PCM1: variants seen among roughly 807,000 people sequenced by gnomAD.
The protein encoded by PCM1 is pericentriolar material 1.
Under a neutral mutation model 241.9 loss-of-function variants are expected in PCM1, and 157 were observed. That is an observed-to-expected ratio of 0.65 (90% CI 0.57 to 0.74). The LOEUF is 0.74. Ranked by LOEUF, PCM1 falls within the 30% of genes least tolerant of loss-of-function variation. The pLI, the probability that PCM1 is intolerant of heterozygous loss-of-function variation, is 0.00. For missense variants in PCM1, 3,478 were observed against 2,360.1 expected (o/e 1.47, Z -9.81); for synonymous variants, 1,085 against 784.9 (o/e 1.38, Z -6.39).
At chr8:17,948,427 C>T (rs1027504563) in intron 7 of PCM1, among the ~76,000 whole-genome samples, 2 of 150,314 alleles carry the variant, frequency 1.3e-5, no homozygotes, top group African/African-American at 4.9e-5. Context: ...GCCTCAGCCT[C>T]CTGAGTAGCT....
intron 23 of PCM1, 108 bp from the exon 24 acceptor site, chr8:17,980,483 C>G (rs557026036): frequency 2.5e-6 from 2 of 803,934 alleles, no homozygotes; most frequent in African/African-American, 3.5e-5. Flanking sequence ...ACCAGGCCTT[C>G]CTAGCATTGT....
At chr8:18,006,537 G>T (rs2091370612) in intron 30 of PCM1, 140 bp downstream of exon 30, 2 of 590,906 alleles carry the variant, frequency 3.4e-6, no homozygotes, top group Non-Finnish European at 6.1e-6. Context: ...GGATGATGTT[G>T]TAATACTTTT....
intron 7 of PCM1, 101 bp from the exon 8 acceptor site, chr8:17,950,514 A>C: frequency 3.0e-6 from 2 of 659,372 alleles, no homozygotes; most frequent in Non-Finnish European, 5.2e-6. Context: ...TACGTATGTG[A>C]GCTTTTTAAA....
At chr8:18,003,503 CA>C (rs1564313164) in intron 29 of PCM1, among the ~76,000 whole-genome samples, 1 of 152,292 alleles carries the variant, frequency 6.6e-6, no homozygotes, top group East Asian at 1.9e-4. Flanking sequence ...GGAGCCAGCC[CA>C]AATGTTATTG....
At chr8:17,988,185 T>A (rs753631199) in intron 26 of PCM1, among the ~76,000 whole-genome samples, 34 of 145,526 alleles carry the variant, frequency 2.3e-4, no homozygotes, top group Non-Finnish European at 4.9e-4. Flanking sequence ...TTGAAGCACA[T>A]CAAGTCTTAC....
chr8:18,014,718 C>A lies in PCM1; in HGVS notation c.5719C>A (p.Arg1907Ser), dbSNP rs373892158. 4.3e-6 allele frequency: 7 copies of A among 1,613,156 alleles called. No individual in the cohort carries two copies. Among genetic ancestry groups the A allele is most frequent in the East Asian group, 4.5e-5 (2 of 44,472 alleles). Residue 1907 changes from arginine to serine, a missense_variant, in exon 36 of 39, where the codon CGT becomes AGT. Physicochemically the swap from Arg to Ser is moderately radical, Grantham distance 110 (BLOSUM62 -1). Transcript: ENST00000325083. ...TCAACAGCCTAACCCTTTGCCGTTACGTTTACCTGAAATGGAACCCTTAGT... is the reference window on the plus strand; with the variant it reads ...TCAACAGCCTAACCCTTTGCCGTTAAGTTTACCTGAAATGGAACCCTTAGT... ...STQQPNPLPL[R>S]LPEMEPLVPR...
At chr8:18,004,524 TAATA>T (rs1400788120) in intron 29 of PCM1, among the ~76,000 whole-genome samples, 1 of 147,104 alleles carries the variant, frequency 6.8e-6, no homozygotes, top group Non-Finnish European at 1.5e-5. Context: ...GGAAATGAAA[TAATA>T]AATACTAATT....
intron 23 of PCM1, among the ~76,000 whole-genome samples, chr8:17,975,234 T>C (rs1209995983): frequency 3.3e-5 from 5 of 152,156 alleles, no homozygotes; most frequent in Non-Finnish European, 7.4e-5. Flanking sequence ...GGATTTTTAC[T>C]GTATCTTTAA....
chr8:17,955,953 G>A (rs1452030919), intron 10 of PCM1: 5 of 384,354 alleles, frequency 1.3e-5, no homozygotes, highest in Non-Finnish European at 2.4e-5. Context: ...CCAGGCTGTA[G>A]AATCAGACAG....
chr8:18,012,400 T>C (rs1377635412), intron 34 of PCM1, among the ~76,000 whole-genome samples: 2 of 152,178 alleles, frequency 1.3e-5, no homozygotes, highest in Non-Finnish European at 2.9e-5. Context: ...GAATTAATTA[T>C]TCTATTATTA....
At chr8:18,021,691 A>C (rs2093766565) in intron 36 of PCM1, among the ~76,000 whole-genome samples, 1 of 152,208 alleles carries the variant, frequency 6.6e-6, no homozygotes, top group African/African-American at 2.4e-5. Flanking sequence ...TTGAATGGAC[A>C]AATTGTATCT....
intron 26 of PCM1, among the ~76,000 whole-genome samples, chr8:17,987,668 A>G (rs1199592094): frequency 6.6e-6 from 1 of 151,872 alleles, no homozygotes; most frequent in Non-Finnish European, 1.5e-5. Context: ...ATTAAGGTCA[A>G]CATCTTCCCT....
chr8:18,028,025 A>ATAAC lies in PCM1; in HGVS notation c.*365_*368dup, dbSNP rs578220783. On this transcript the variant is annotated 3_prime_UTR_variant, in exon 39 of 39. Coordinates refer to ENST00000325083, the MANE Select transcript of PCM1 (RefSeq NM_006197.4). Reference sequence around the variant, plus strand: ...TCTATACAGCAAGTCAATGTTTTATATAACTTTAGGCTGCTCAGAGAAGAG... The same window carrying ATAAC: ...TCTATACAGCAAGTCAATGTTTTATATAACTAACTTTAGGCTGCTCAGAGAAGAG... 89 of 233,564 alleles carry ATAAC rather than the reference A, an allele frequency of 3.8e-4. No individual in the cohort carries two copies. The East Asian group carries it at 4.2e-3, about 11-fold the overall frequency. 14.5% of individuals were successfully genotyped at this position (233,564 alleles called of 1,614,324 possible).
At chr8:17,980,264 T>C (rs549946416) in intron 23 of PCM1, 1 of 183,716 alleles carries the variant, frequency 5.4e-6, no homozygotes, top group Admixed American at 6.1e-5. Context: ...GTGATTCTTA[T>C]GTCTCCTAAT....
Position 18,014,040 on chromosome 8 carries a change from A to G in PCM1, c.5584+4A>G. On this transcript the variant is annotated splice_donor_region_variant and intron_variant, in intron 35 of 38. Transcript: ENST00000325083. ...GAACGAGAAGCCACTAGTAAAAGTA[A>G]GAAATCTAAATAAGTCTTTGATTTT... 1 of 1,540,794 alleles carries G rather than the reference A, an allele frequency of 6.5e-7. No homozygotes were observed. Among genetic ancestry groups the G allele is most frequent in the Non-Finnish European group, 8.9e-7 (1 of 1,124,344 alleles).
At chr8:17,976,791 A>T (rs141653660) in intron 23 of PCM1, among the ~76,000 whole-genome samples, 17 of 152,264 alleles carry the variant, frequency 1.1e-4, no homozygotes, top group Non-Finnish European at 1.9e-4. Flanking sequence ...CTTATCTCTC[A>T]TCAGTCACAC....
At chr8:17,962,891 A>G in intron 16 of PCM1, 1 of 439,500 alleles carries the variant, frequency 2.3e-6, no homozygotes, top group Non-Finnish European at 4.0e-6. Flanking sequence ...TGACAGAGTG[A>G]GACTCTGTCT....
At chr8:17,940,041 G>A (rs879710554) in intron 6 of PCM1, 180 bp downstream of exon 6, 1 of 1,549,480 alleles carries the variant, frequency 6.5e-7, no homozygotes, top group Non-Finnish European at 8.7e-7. Context: ...AAATATTTCA[G>A]GCTAGAGAAA....
chr8:18,000,957 A>G (rs1025935025), intron 29 of PCM1, among the ~76,000 whole-genome samples: 5 of 152,214 alleles, frequency 3.3e-5, no homozygotes, highest in African/African-American at 1.2e-4. Context: ...AGACAATCGT[A>G]GAGAGGTCAA....
Sources: gnomAD v4.1 joint callset for allele counts (sites outside exome capture counted in the v4.1 genomes callset) on GRCh38, gnomAD v4.1.1 for gene constraint, MANE v1.5 for transcripts, NCBI Gene and HGNC (gene_info 2026-07-23, HGNC 2026-07-21) for gene names.